FAM178B: variants seen among roughly 807,000 people sequenced by gnomAD.
FAM178B encodes the protein family with sequence similarity 178 member B.
Under a neutral mutation model 91.7 loss-of-function variants are expected in FAM178B, and 82 were observed. The ratio of observed to expected loss-of-function variants is 0.89; its 90% CI spans 0.75 to 1.07. The LOEUF is 1.07. Ranked by LOEUF, FAM178B falls within the 50% of genes least tolerant of loss-of-function variation. FAM178B has a pLI of 0.00. For missense variants in FAM178B, 769 were observed against 846.7 expected, an observed-to-expected ratio of 0.91 and a Z score of 1.14; for synonymous variants, 368 against 359.4, an observed-to-expected ratio of 1.02 and a Z score of -0.27.
chr2:96,928,337 C>T (rs750335727), intron 9 of FAM178B, among the ~76,000 whole-genome samples: 12 of 152,158 alleles, frequency 7.9e-5, no homozygotes, highest in East Asian at 1.9e-4. Context: ...AACAAGATGA[C>T]GATATATAAC....
At chr2:96,915,524 G>C (rs971530243) in intron 12 of FAM178B, among the ~76,000 whole-genome samples, 1 of 152,012 alleles carries the variant, frequency 6.6e-6, no homozygotes, top group African/African-American at 2.4e-5. Context: ...TCTTTAGAAA[G>C]GGGAAATAAG....
At chr2:96,945,601 A>G (rs556588688) in intron 8 of FAM178B, among the ~76,000 whole-genome samples, 39 of 152,350 alleles carry the variant, frequency 2.6e-4, no homozygotes, top group African/African-American at 9.1e-4. Flanking sequence ...AGGCAGCCCC[A>G]GTCTATCCTG....
intron 12 of FAM178B, among the ~76,000 whole-genome samples, chr2:96,919,732 CT>C (rs1447543056): frequency 9.2e-5 from 14 of 152,308 alleles, no homozygotes; most frequent in Admixed American, 3.9e-4. Context: ...ACTGAGGCCC[CT>C]GGAGTCCTCT....
chr2:96,977,961 G>A, intron 1 of FAM178B: 1 of 450,040 alleles, frequency 2.2e-6, no homozygotes, highest in African/African-American at 2.0e-5. Context: ...GGGGGAGGGG[G>A]GCGACCGGCA....
At chr2:96,986,210 C>A in intron 1 of FAM178B, 31 bp downstream of exon 1, 2 of 1,534,190 alleles carry the variant, frequency 1.3e-6, no homozygotes, top group Non-Finnish European at 1.7e-6. Flanking sequence ...AACCACGCGC[C>A]CCTGCGGTTC....
rs187344562 is a variant in FAM178B, at chr2:96,876,044, C to T, written c.*232G>A. On this transcript the variant is annotated 3_prime_UTR_variant, in exon 17 of 17. Transcript: ENST00000490605. ...GCTGGGAGGAGGGCTGAGGGGTGGGCGAGGCAGAGAGGCCCATCCCTTGCT... is the reference window on the plus strand; with the variant it reads ...GCTGGGAGGAGGGCTGAGGGGTGGGTGAGGCAGAGAGGCCCATCCCTTGCT... 1.1e-3 allele frequency: 604 copies of T among 561,572 alleles called. 3 individuals are homozygous for T. Among genetic ancestry groups the T allele is most frequent in the African/African-American group, 1.0e-2 (502 of 50,330 alleles). 34.8% of individuals were successfully genotyped at this position (561,572 alleles called of 1,614,324 possible).
chr2:96,891,766 G>A (rs1004693889), intron 14 of FAM178B, among the ~76,000 whole-genome samples: 5 of 152,164 alleles, frequency 3.3e-5, no homozygotes, highest in Non-Finnish European at 7.3e-5. Context: ...TATTTGCAGG[G>A]CTGGAGGAGG....
At chr2:96,878,304 T>C (rs1436366533) in intron 15 of FAM178B, 112 bp downstream of exon 15, 2 of 1,049,834 alleles carry the variant, frequency 1.9e-6, no homozygotes, top group Non-Finnish European at 2.9e-6. Flanking sequence ...AGCCTCCCAC[T>C]CTCTGCAGTT....
intron 16 of FAM178B, among the ~76,000 whole-genome samples, chr2:96,877,402 ATTTTT>A (rs897024279): frequency 1.5e-5 from 2 of 132,376 alleles, no homozygotes; most frequent in African/African-American, 2.8e-5. Flanking sequence ...TGGGCACTGG[ATTTTT>A]TTTTTTTTTT....
At chr2:96,896,281 C>T (rs1167232873) in intron 13 of FAM178B, among the ~76,000 whole-genome samples, 1 of 152,206 alleles carries the variant, frequency 6.6e-6, no homozygotes, top group Non-Finnish European at 1.5e-5. Context: ...ATGAAAACAG[C>T]TTGGCTGTGC....
intron 5 of FAM178B, among the ~76,000 whole-genome samples, chr2:96,967,276 A>G (rs1257012): frequency 0.83 from 126,379 of 152,230 alleles, 53,792 homozygotes; most frequent in African/African-American, 0.89. Context: ...TTGGGGCAGA[A>G]CAAGCTGTGT....
intron 12 of FAM178B, among the ~76,000 whole-genome samples, chr2:96,919,269 C>G (rs1211859407): frequency 6.6e-6 from 1 of 152,172 alleles, no homozygotes; most frequent in African/African-American, 2.4e-5. Context: ...AAATGAGAAA[C>G]TGGCTGGACG....
At chr2:96,926,091 G>T (rs2081433434) in intron 9 of FAM178B, among the ~76,000 whole-genome samples, 1 of 152,178 alleles carries the variant, frequency 6.6e-6, no homozygotes, top group Non-Finnish European at 1.5e-5. Flanking sequence ...ATCACCTGAG[G>T]TCAGAAGTTC....
In FAM178B at chr2:96,929,369, G is replaced by A. The variant is rs941819915; in HGVS notation, c.1079-49C>T. On this transcript the variant is annotated intron_variant, in intron 8 of 16. Transcript: ENST00000490605. ...GAGTTAGAATGGGGAACGGAGGGCAGGGTGCACCACTCCCACTGAAGGGGC... is the reference window on the plus strand; with the variant it reads ...GAGTTAGAATGGGGAACGGAGGGCAAGGTGCACCACTCCCACTGAAGGGGC... 6 of 1,375,916 alleles carry A rather than the reference G, an allele frequency of 4.4e-6. No homozygotes were observed. The South Asian group carries it at 6.2e-5, about 14-fold the overall frequency. The allele number at this position is 1,375,916 out of a possible 1,614,324, so 85.2% of individuals were successfully genotyped here.
chr2:96,956,232 GA>G (rs1200476957), intron 6 of FAM178B, among the ~76,000 whole-genome samples: 1 of 152,186 alleles, frequency 6.6e-6, no homozygotes, highest in Non-Finnish European at 1.5e-5. Context: ...AAGGGTGGAG[GA>G]AAAAAGTTCA....
At chr2:96,949,124 T>C (rs2081881542) in intron 7 of FAM178B, among the ~76,000 whole-genome samples, 1 of 152,202 alleles carries the variant, frequency 6.6e-6, no homozygotes, top group Non-Finnish European at 1.5e-5. Flanking sequence ...CCGGCAAGGC[T>C]GGCCCACACG....
In FAM178B at chr2:96,893,913, G is replaced by C; in HGVS notation, c.1776+13C>G. 1 of 1,609,026 alleles carries C rather than the reference G, an allele frequency of 6.2e-7. No homozygotes were observed. Among genetic ancestry groups the C allele is most frequent in the Non-Finnish European group, 8.5e-7 (1 of 1,177,688 alleles). On this transcript the variant is annotated intron_variant, in intron 14 of 16. Coordinates refer to ENST00000490605, the MANE Select transcript of FAM178B (RefSeq NM_001122646.3). The stretch of plus-strand genomic sequence containing the variant: ...CCGTGGTGGAGGCAGGCGGGTGCTG[G>C]GTGCTCACTCACCTTGTGGTCTAGC...
intron 9 of FAM178B, among the ~76,000 whole-genome samples, chr2:96,928,651 C>T (rs1167717639): frequency 2.0e-5 from 3 of 152,170 alleles, no homozygotes; most frequent in South Asian, 2.1e-4. Flanking sequence ...CTGGGTTTCA[C>T]CAGAGAGTGG....
At chr2:96,968,168 C>A (rs1255698463) in intron 4 of FAM178B, among the ~76,000 whole-genome samples, 1 of 151,878 alleles carries the variant, frequency 6.6e-6, no homozygotes, top group East Asian at 1.9e-4. Flanking sequence ...CGTGCCCTGG[C>A]TCCTCGGCAT....
Sources: allele counts gnomAD v4.1 joint callset (sites outside exome capture counted in the v4.1 genomes callset), GRCh38; gene constraint gnomAD v4.1.1; transcripts MANE v1.5; gene names NCBI Gene and HGNC (gene_info 2026-07-23, HGNC 2026-07-21).